FCGR2B: variants seen among roughly 807,000 people sequenced by gnomAD.
FCGR2B encodes low affinity immunoglobulin gamma Fc region receptor II-b.
A neutral mutation model predicts 24.8 loss-of-function variants in FCGR2B; 18 were observed. The ratio of observed to expected loss-of-function variants is 0.73; its 90% CI spans 0.50 to 1.08. The LOEUF (loss-of-function observed/expected upper bound fraction) is 1.08, where lower values mean the gene tolerates loss of function less well. Among genes scored for constraint, FCGR2B ranks in the 50% least tolerant of loss-of-function variants. The pLI is 0.00. For missense variants in FCGR2B, 215 were observed against 297.6 expected (o/e 0.72, Z 2.04); for synonymous variants, 79 against 109.8 (o/e 0.72, Z 1.75).
At chr1:161,672,558 T>C (rs530744488) in intron 3 of FCGR2B, 7 of 280,348 alleles carry the variant, frequency 2.5e-5, no homozygotes, top group East Asian at 1.8e-4. Flanking sequence ...CCTTATCATA[T>C]GCGGACTCCT....
At chr1:161,650,216 G>C in the FCGR2B span, among the ~76,000 whole-genome samples, 1 of 147,116 alleles carries the variant, frequency 6.8e-6, no homozygotes, top group Admixed American at 6.8e-5. Flanking sequence ...TGGCCAGGCT[G>C]GTCTCAAACT....
the FCGR2B span, among the ~76,000 whole-genome samples, chr1:161,655,239 TC>T: frequency 1.3e-5 from 2 of 151,422 alleles, no homozygotes; most frequent in Admixed American, 1.3e-4. Context: ...TTACAATCTC[TC>T]CTTGTTCTAA....
At chr1:161,675,355 G>C in intron 6 of FCGR2B, 42 bp downstream of exon 6, 2 of 1,409,124 alleles carry the variant, frequency 1.4e-6, no homozygotes, top group Non-Finnish European at 1.9e-6. Context: ...TGGCTCACCA[G>C]GGCTGCCGGC....
chr1:161,677,311 T>C lies in FCGR2B; in HGVS notation c.818-17T>C. Reference sequence around the variant, plus strand: ...CTCCAGCAGTGCTCTGGCTGATATTTCTTCTTTTTCCCACAGCCAATCCCA... The same window carrying C: ...CTCCAGCAGTGCTCTGGCTGATATTCCTTCTTTTTCCCACAGCCAATCCCA... On this transcript the variant is annotated splice_polypyrimidine_tract_variant and intron_variant, in intron 6 of 7. Coordinates refer to ENST00000358671, the MANE Select transcript of FCGR2B (RefSeq NM_001394477.1). 2 of 1,613,734 alleles carry C rather than the reference T, an allele frequency of 1.2e-6. No homozygotes were observed. Among genetic ancestry groups the C allele is most frequent in the Non-Finnish European group, 1.7e-6 (2 of 1,179,730 alleles).
Position 161,677,490 on chromosome 1 carries a change from C to G in FCGR2B, c.870C>G (p.Ile290Met). The G allele has an allele frequency of 6.2e-7, 1 of 1,613,998 alleles. No homozygotes were observed. The highest frequency in any genetic ancestry group is 8.5e-7 in the Non-Finnish European group (1 of 1,179,870). ...GCCTTCTCTAGGCTGAGAACACAAT[C>G]ACCTATTCACTTCTCATGCACCCGG... The part of the protein sequence containing the change: ...EADKVGAENT[I>M]TYSLLMHPDA... Residue 290 changes from isoleucine to methionine, a missense_variant, in exon 8 of 8, where the codon ATC becomes ATG. This residue lies in a region of FCGR2B where 81 missense variants were observed against 81.6 expected (regional missense o/e 0.99). Coordinates refer to ENST00000358671, the MANE Select transcript of FCGR2B (RefSeq NM_001394477.1).
chr1:161,672,545 T>A, intron 3 of FCGR2B: 2 of 249,510 alleles, frequency 8.0e-6, no homozygotes, highest in South Asian at 1.4e-4. Context: ...CAAAGGCATA[T>A]GTCCTTATCA....
chr1:161,649,638 GGAAGCTACCATCTAA>G, the FCGR2B span, among the ~76,000 whole-genome samples: 1 of 150,496 alleles, frequency 6.6e-6, no homozygotes, highest in Non-Finnish European at 1.5e-5. Context: ...TAAAGGACAC[GGAAGCTACCATCTAA>G]GAAGCAGAGA....
At chr1:161,674,487 T>C in intron 5 of FCGR2B, 1 of 323,740 alleles carries the variant, frequency 3.1e-6, no homozygotes. Flanking sequence ...AGTGTAGTGA[T>C]GGAGTGCACA....
chr1:161,655,843 T>TTTTATTTATTTATTTATTTA, the FCGR2B span, among the ~76,000 whole-genome samples: 226 of 55,530 alleles, frequency 4.1e-3, no homozygotes, highest in Non-Finnish European at 7.7e-3. Flanking sequence ...TTTCCTCAAT[T>TTTTATTTATTTATTTATTTA]TTTATTTATT....
At chr1:161,663,623 GAA>G in intron 1 of FCGR2B, 1 of 251,650 alleles carries the variant, frequency 4.0e-6, no homozygotes, top group Non-Finnish European at 8.2e-6. Flanking sequence ...CCCGCTCTGA[GAA>G]AAGTCTAGTA....
At chr1:161,677,278 G>C in intron 6 of FCGR2B, 50 bp from the exon 7 acceptor site, 1 of 1,585,890 alleles carries the variant, frequency 6.3e-7, no homozygotes, top group Middle Eastern at 1.7e-4. Context: ...GCACAGGCAG[G>C]CCCTCTTCTC....
chr1:161,650,082 A>G, the FCGR2B span, among the ~76,000 whole-genome samples: 2 of 150,314 alleles, frequency 1.3e-5, no homozygotes, highest in East Asian at 3.9e-4. Flanking sequence ...ATCTCTGTTC[A>G]CTGCACCCTC....
the FCGR2B span, among the ~76,000 whole-genome samples, chr1:161,651,865 A>G: frequency 7.8e-6 from 1 of 127,704 alleles, no homozygotes; most frequent in African/African-American, 2.6e-5. Flanking sequence ...CCCAGGAGGC[A>G]GAGGTTGTGG....
chr1:161,654,785 T>G, the FCGR2B span, among the ~76,000 whole-genome samples: 1 of 138,014 alleles, frequency 7.2e-6, no homozygotes, highest in African/African-American at 2.5e-5. Flanking sequence ...CACCTGTCTT[T>G]TCTTAGATTT....
Position 161,671,470 on chromosome 1 carries a change from G to C in FCGR2B, c.212G>C (p.Cys71Ser). The change falls in exon 3 of 8, where the codon TGC becomes TCC. Residue 71 changes from cysteine to serine, a missense_variant. Cys to Ser is a moderately radical substitution (Grantham distance 112, BLOSUM62 -1). Transcript: ENST00000358671. ...CAGGAGGACTCTGTGACTCTGACATGCCGGGGGACTCACAGCCCTGAGAGC... is the reference window on the plus strand; with the variant it reads ...CAGGAGGACTCTGTGACTCTGACATCCCGGGGGACTCACAGCCCTGAGAGC... ...VLQEDSVTLT[C>S]RGTHSPESDS... 2 of 1,614,204 alleles carry C rather than the reference G, an allele frequency of 1.2e-6. No individual in the cohort carries two copies. The highest frequency in any genetic ancestry group is 1.7e-6 in the Non-Finnish European group (2 of 1,180,052).
chr1:161,671,116 G>A (rs59961960), intron 2 of FCGR2B, among the ~76,000 whole-genome samples: 73 of 152,208 alleles, frequency 4.8e-4, no homozygotes, highest in South Asian at 2.9e-3. Flanking sequence ...GAACTGGTGA[G>A]GATATCTCAG....
chr1:161,675,119 G>A (rs569833020), intron 5 of FCGR2B, 138 bp from the exon 6 acceptor site: 33 of 612,876 alleles, frequency 5.4e-5, no homozygotes, highest in East Asian at 2.3e-4. Context: ...GAGCAGGGGA[G>A]CTGGGGGTGG....
chr1:161,677,266 C>T (rs371088903), intron 6 of FCGR2B, 62 bp from the exon 7 acceptor site: 5 of 1,532,670 alleles, frequency 3.3e-6, no homozygotes, highest in Middle Eastern at 1.7e-4. Context: ...GCCTCAGCAT[C>T]AGCACAGGCA....
chr1:161,677,063 G>A, intron 6 of FCGR2B: 1 of 501,072 alleles, frequency 2.0e-6, no homozygotes, highest in South Asian at 2.8e-5. Context: ...TTCTAGGAAA[G>A]CTCAGCAATT....
Sources: gnomAD v4.1 joint callset for allele counts (sites outside exome capture counted in the v4.1 genomes callset) on GRCh38, gnomAD v4.1.1 for gene constraint, gnomAD v4.1.1 regional missense constraint, MANE v1.5 for transcripts, NCBI Gene and HGNC (gene_info 2026-07-23, HGNC 2026-07-21) for gene names.